The following PUSL1 variants were observed in gnomAD, a reference collection of about 807,000 sequenced individuals.
PUSL1 encodes the protein pseudouridine synthase like 1.
Under a neutral mutation model 30.7 loss-of-function variants are expected in PUSL1, and 51 were observed. That is an observed-to-expected ratio of 1.66 (90% CI 1.33 to 2.10). The LOEUF (loss-of-function observed/expected upper bound fraction) is 2.10. Ranked by LOEUF, PUSL1 falls within the 30% of genes most tolerant of loss-of-function variation. The pLI is 0.00. For synonymous variants in PUSL1, 290 were observed against 192.1 expected (o/e 1.51, Z -4.21); for missense variants, 609 against 427.6 (o/e 1.42, Z -3.74).
chr1:1,311,625 C>T lies in PUSL1; in HGVS notation c.*246C>T, dbSNP rs763330959. ...TCTTTTGTTCAGCTTTTACTGGAAA[C>T]TGCTGTCTAGGACCACCTGCCCTAA... is the stretch of plus-strand genomic sequence containing the variant. On this transcript the variant is annotated 3_prime_UTR_variant, in exon 8 of 8. Transcript: ENST00000379031. 2 of 714,240 alleles carry T rather than the reference C, an allele frequency of 2.8e-6. No individual in the cohort carries two copies. The highest frequency in any genetic ancestry group is 1.5e-5 in the South Asian group (1 of 66,938). The allele number at this position is 714,240 out of a possible 1,614,324, so 44.2% of individuals were successfully genotyped here.
Position 1,309,998 on chromosome 1 carries a change from C to A in PUSL1, c.644+147C>A, listed in dbSNP as rs1398182763. The A allele has an allele frequency of 6.6e-6, 4 of 603,122 alleles. No homozygotes were observed. The East Asian group carries it at 9.2e-5, about 14-fold the overall frequency. 37.4% of individuals were successfully genotyped at this position (603,122 alleles called of 1,614,324 possible). On this transcript the variant is annotated intron_variant, in intron 5 of 7. Transcript: ENST00000379031. ...CCTGGACAGCTGGAGGGGATTCGCC[C>A]GGACGCCCCCCAGCCTCCAGCTGTG...
In PUSL1 at chr1:1,308,720, A is replaced by G; in HGVS notation, c.77A>G (p.Asn26Ser). 6.4e-7 allele frequency: 1 copy of G among 1,550,532 alleles called. No individual in the cohort carries two copies. Among genetic ancestry groups the G allele is most frequent in the Non-Finnish European group, 8.7e-7 (1 of 1,151,082 alleles). The change falls in exon 1 of 8, where the codon AAC becomes AGC. Residue 26 changes from asparagine to serine, a missense_variant and splice_region_variant. Asn to Ser is a conservative substitution (Grantham distance 46). Transcript: ENST00000379031. ...TTCCAGTACGTGGGCACCGACTTTAAGTAGGTTTCCCAGGCGCAGCGGCGG... is the reference window on the plus strand; with the variant it reads ...TTCCAGTACGTGGGCACCGACTTTAGGTAGGTTTCCCAGGCGCAGCGGCGG... Reference protein sequence around the residue: ...VYFQYVGTDFNGVAAVRGTQR... With the variant: ...VYFQYVGTDFSGVAAVRGTQR...
chr1:1,310,229 G>C (rs1010813745), intron 5 of PUSL1: 2 of 346,558 alleles, frequency 5.8e-6, no homozygotes, highest in Non-Finnish European at 1.1e-5. Context: ...TCCCCTATTG[G>C]GGTGAGCCCT....
chr1:1,309,430 G>C, intron 3 of PUSL1, 24 bp from the exon 4 acceptor site: 1 of 1,573,804 alleles, frequency 6.4e-7, no homozygotes, highest in Non-Finnish European at 8.6e-7. Context: ...TCGTTCCTCC[G>C]GTGAGCTTTA....
At position 1,311,003 on chromosome 1, in the gene PUSL1, G is replaced by A. The variant is rs1020563882; in HGVS notation, c.794G>A (p.Gly265Asp). ...KTILESQDPL[G>D]KHQTRVAPAH... is the part of the protein sequence containing the mutation. ...ATTCTGGAGAGCCAAGATCCCCTGG[G>A]CAAGCACCAGACACGTGTAGCCCCA... The change falls in exon 7 of 8, where the codon GGC becomes GAC. Residue 265 changes from glycine to aspartate, a missense_variant. By Grantham distance (94) the Gly-to-Asp change is moderately conservative. Coordinates refer to ENST00000379031, the MANE Select transcript of PUSL1 (RefSeq NM_153339.3). 3.7e-6 allele frequency: 6 copies of A among 1,612,684 alleles called. No individual in the cohort carries two copies. The East Asian group carries it at 6.7e-5, about 18-fold the overall frequency.
In PUSL1 at chr1:1,309,593, C is replaced by G. The variant is rs764557732; in HGVS notation, c.463C>G (p.Leu155Val). 6.2e-7 allele frequency: 1 copy of G among 1,611,226 alleles called. No individual in the cohort carries two copies. The highest frequency in any genetic ancestry group is 2.2e-5 in the East Asian group (1 of 44,810). ...PVFERNLCWT[L>V]PADCLDMVAM... ...GTTTGAACGCAACCTATGCTGGACT[C>G]TCCCGGCAGAGTGAGTGTGGCCCTG... Residue 155 changes from leucine to valine, a missense_variant, in exon 4 of 8, where the codon CTC becomes GTC. By Grantham distance (32) the Leu-to-Val change is conservative (BLOSUM62 1). Transcript: ENST00000379031.
Position 1,310,925 on chromosome 1 carries a change from C to T in PUSL1, c.716C>T (p.Ala239Val). The change falls in exon 7 of 8, where the codon GCT becomes GTT. Residue 239 changes from alanine to valine, a missense_variant. Physicochemically the swap from Ala to Val is moderately conservative, Grantham distance 64 (BLOSUM62 0). Coordinates refer to ENST00000379031, the MANE Select transcript of PUSL1 (RefSeq NM_153339.3). ...GGGTCACAGGTACGGAGGATGACGG[C>T]TGTGCTGGTGGCCGTGGGGCTGGGG... ...FLYRQVRRMTAVLVAVGLGAL... is the reference protein window; with the variant it reads ...FLYRQVRRMTVVLVAVGLGAL... The T allele has an allele frequency of 6.2e-7, 1 of 1,613,032 alleles. No homozygotes were observed. The highest frequency in any genetic ancestry group is 8.5e-7 in the Non-Finnish European group (1 of 1,179,914).
rs766875882 is a variant in PUSL1 at position 1,309,725 on chromosome 1, T to G, written c.518T>G (p.Leu173Arg). ...ATGCAGGAAGCCGCCCAGCACCTCC[T>G]CGGCACACACGACTTCAGCGCCTTC... ...VAMQEAAQHL[L>R]GTHDFSAFQS... The change falls in exon 5 of 8, where the codon CTC (leucine) becomes CGC (arginine). Residue 173 changes from leucine to arginine, a missense_variant. Coordinates refer to ENST00000379031, the MANE Select transcript of PUSL1 (RefSeq NM_153339.3). 5.0e-6 allele frequency: 8 copies of G among 1,599,782 alleles called. No homozygotes were observed. The African/African-American group carries it at 1.1e-4, about 21-fold the overall frequency.
In PUSL1 at chr1:1,310,454, T is replaced by C; in HGVS notation, c.645-180T>C. On this transcript the variant is annotated intron_variant, in intron 5 of 7. Transcript: ENST00000379031. ...TGCCCAAGCATTGTTTCTCTGGTTTTAAGCCCCTCCAATGGGCCTCACTGG... is the reference window on the plus strand; with the variant it reads ...TGCCCAAGCATTGTTTCTCTGGTTTCAAGCCCCTCCAATGGGCCTCACTGG... 4.7e-6 allele frequency: 3 copies of C among 640,708 alleles called. No individual in the cohort carries two copies. In the South Asian group the frequency reaches 5.7e-5, roughly 12 times the overall value. 39.7% of individuals were successfully genotyped at this position (640,708 alleles called of 1,614,324 possible). A position where few individuals can be genotyped will look rare whatever the true frequency, so the allele number is the denominator to read the frequency against.
intron 5 of PUSL1, chr1:1,310,174 C>T (rs1570688520): frequency 2.5e-6 from 1 of 401,158 alleles, no homozygotes; most frequent in African/African-American, 2.0e-5. Flanking sequence ...GCCCCCAGCA[C>T]TGTCCCGAGG....
In PUSL1 at chr1:1,309,771, GC is replaced by G. The variant is rs1299579386; in HGVS notation, c.566del (p.Pro189ArgfsTer49). The G allele has an allele frequency of 6.4e-7, 1 of 1,572,292 alleles. No homozygotes were observed. Among genetic ancestry groups the G allele is most frequent in the East Asian group, 2.4e-5 (1 of 42,398 alleles). Reference protein sequence around the residue: ...SAFQSAGSPVPSPVRTLRRVS... With the variant: ...SAFQSAGSPVXSPVRTLRRVS... ...CCTTCCAGTCCGCTGGCAGCCCGGT[GC>G]CGAGCCCCGTGCGAACGCTGCGCCG... On this transcript the variant is annotated frameshift_variant, in exon 5 of 8. Transcript: ENST00000379031. LOFTEE classifies it high-confidence loss of function.
In PUSL1 at chr1:1,309,864, C is replaced by T. The variant is rs1239946590; in HGVS notation, c.644+13C>T. 1 of 1,486,486 alleles carries T rather than the reference C, an allele frequency of 6.7e-7. No individual in the cohort carries two copies. Among genetic ancestry groups the T allele is most frequent in the Non-Finnish European group, 9.0e-7 (1 of 1,110,148 alleles). 92.1% of individuals were successfully genotyped at this position (1,486,486 alleles called of 1,614,324 possible). A position where few individuals can be genotyped will look rare whatever the true frequency, so the allele number is the denominator to read the frequency against. On this transcript the variant is annotated intron_variant, in intron 5 of 7. Transcript: ENST00000379031. ...CCGAGGAGAGCAGGTGAGGAAGGGC[C>T]CCTGGGCTGTGGCCCTGCCCTCAAG...
Position 1,308,637 on chromosome 1 carries a change from C to T in PUSL1, c.-7C>T, listed in dbSNP as rs763621677. On this transcript the variant is annotated 5_prime_UTR_variant, in exon 1 of 8. Transcript: ENST00000379031. ...GCCGCCTCTGACGCCACCGGCTGGG[C>T]TCCGCCATGAGTTCGGCGCCGGCCT... The T allele has an allele frequency of 5.5e-6, 8 of 1,465,220 alleles. No homozygotes were observed. Among genetic ancestry groups the T allele is most frequent in the Non-Finnish European group, 7.2e-6 (8 of 1,110,864 alleles). The allele number at this position is 1,465,220 out of a possible 1,614,324, so 90.8% of individuals were successfully genotyped here. A position where few individuals can be genotyped will look rare whatever the true frequency, so the allele number is the denominator to read the frequency against.
chr1:1,310,918 A>G lies in PUSL1; in HGVS notation c.709A>G (p.Met237Val), dbSNP rs1557624274. ...TGGCTCTGGGTCACAGGTACGGAGGATGACGGCTGTGCTGGTGGCCGTGGG... is the reference window on the plus strand; with the variant it reads ...TGGCTCTGGGTCACAGGTACGGAGGGTGACGGCTGTGCTGGTGGCCGTGGG... ...QSFLYRQVRR[M>V]TAVLVAVGLG... Residue 237 changes from methionine to valine, a missense_variant, in exon 7 of 8, where the codon ATG (methionine) becomes GTG (valine). Met to Val is a conservative substitution (Grantham distance 21). Coordinates refer to ENST00000379031, the MANE Select transcript of PUSL1 (RefSeq NM_153339.3). The G allele has an allele frequency of 1.2e-6, 2 of 1,612,736 alleles. No homozygotes were observed. Among genetic ancestry groups the G allele is most frequent in the Non-Finnish European group, 1.7e-6 (2 of 1,179,842 alleles).
In PUSL1 at chr1:1,310,676, C is replaced by G; in HGVS notation, c.687C>G (p.Phe229Leu). The stretch of plus-strand genomic sequence containing the variant: ...ACCTGGAGTTTGAGAGCCAGTCTTT[C>G]CTGTATAGACAGGTAGGCTCTGTTC... ...FWNLEFESQS[F>L]LYRQVRRMTA... Residue 229 changes from phenylalanine to leucine, a missense_variant, in exon 6 of 8, where the codon TTC becomes TTG. By Grantham distance (22) the Phe-to-Leu change is conservative. Transcript: ENST00000379031. The G allele has an allele frequency of 1.2e-6, 2 of 1,601,530 alleles. No homozygotes were observed. The highest frequency in any genetic ancestry group is 1.7e-6 in the Non-Finnish European group (2 of 1,171,592).
Position 1,308,762 on chromosome 1 carries a change from G to C in PUSL1, c.77+42G>C, listed in dbSNP as rs554135537. On this transcript the variant is annotated intron_variant, in intron 1 of 7. Coordinates refer to ENST00000379031, the MANE Select transcript of PUSL1 (RefSeq NM_153339.3). ...CAGCGGCGGGCGCCACGTGGGCCCG[G>C]GCGGAGGCGGGAAGGAGGGCGCGGG... 334 of 1,482,246 alleles carry C rather than the reference G, an allele frequency of 2.3e-4. 3 individuals carry two copies. The African/African-American group carries it at 4.3e-3, about 19-fold the overall frequency. The allele number at this position is 1,482,246 out of a possible 1,614,324, so 91.8% of individuals were successfully genotyped here.
Position 1,309,741 on chromosome 1 carries a change from C to T in PUSL1, c.534C>T (p.Phe178=). 1.3e-6 allele frequency: 2 copies of T among 1,596,090 alleles called. No individual in the cohort carries two copies. Among genetic ancestry groups the T allele is most frequent in the Non-Finnish European group, 1.7e-6 (2 of 1,171,738 alleles). ...AAQHLLGTHD[F]SAFQSAGSPV... ...AGCACCTCCTCGGCACACACGACTT[C>T]AGCGCCTTCCAGTCCGCTGGCAGCC... The change falls in exon 5 of 8, where the codon TTC becomes TTT. Residue 178 remains phenylalanine, a synonymous_variant. Coordinates refer to ENST00000379031, the MANE Select transcript of PUSL1 (RefSeq NM_153339.3).
In PUSL1 at chr1:1,309,135, C is replaced by G. The variant is rs532019960; in HGVS notation, c.185C>G (p.Ser62Cys). Residue 62 changes from serine (S) to cysteine (C), a missense_variant, in exon 3 of 8, where the codon TCC becomes TGC. By Grantham distance (112) the Ser-to-Cys change is moderately radical. Transcript: ENST00000379031. ...GTGGAGCCGGTCAGGTTCACCATCTCCAGCCGCACGGACGCCGGGGTCCAC... is the reference window on the plus strand; with the variant it reads ...GTGGAGCCGGTCAGGTTCACCATCTGCAGCCGCACGGACGCCGGGGTCCAC... ...NSVEPVRFTI[S>C]SRTDAGVHAL... The G allele has an allele frequency of 1.2e-4, 180 of 1,529,412 alleles. No homozygotes were observed. In the African/African-American group the frequency reaches 2.1e-3, roughly 18 times the overall value. The allele number at this position is 1,529,412 out of a possible 1,614,324, so 94.7% of individuals were successfully genotyped here.
chr1:1,308,841 G>A, intron 1 of PUSL1, 74 bp from the exon 2 acceptor site: 1 of 1,430,796 alleles, frequency 7.0e-7, no homozygotes, highest in Non-Finnish European at 9.2e-7. Context: ...GAAGGAAGCG[G>A]CCCTGGCCTC....
Sources: gnomAD v4.1 joint callset for allele counts on GRCh38, gnomAD v4.1.1 for gene constraint, MANE v1.5 for transcripts, NCBI Gene and HGNC (gene_info 2026-07-23, HGNC 2026-07-21) for gene names.